Variants in USP4 observed in about 807,000 individuals in gnomAD.
USP4 encodes ubiquitin specific peptidase 4.
A neutral mutation model predicts 118.2 loss-of-function variants in USP4; 72 were observed. The observed-to-expected ratio is 0.61, with a 90% CI of 0.50 to 0.74. USP4 has a LOEUF of 0.74. Among genes scored for constraint, USP4 ranks in the 30% least tolerant of loss-of-function variants. The probability of loss-of-function intolerance (pLI) is 0.00; values close to 1 mark genes in which losing one functional copy is unlikely to be tolerated. For missense variants in USP4, 1,037 were observed against 1,185.7 expected (o/e 0.87, Z 1.84); for synonymous variants, 415 against 440.4 (o/e 0.94, Z 0.72).
At chr3:49,283,904 G>A in intron 19 of USP4, 83 bp downstream of exon 19, 11 of 1,552,442 alleles carry the variant, frequency 7.1e-6, no homozygotes, top group East Asian at 2.2e-5. Context: ...AAAAGTTTTT[G>A]GTGGCAAACC....
intron 6 of USP4, chr3:49,312,434 C>G: frequency 2.2e-6 from 1 of 452,462 alleles, no homozygotes; most frequent in Non-Finnish European, 4.4e-6. Flanking sequence ...CGAGACTGCA[C>G]CACCGCACTC....
intron 9 of USP4, among the ~76,000 whole-genome samples, chr3:49,302,931 A>T (rs1161383037): frequency 5.9e-5 from 9 of 152,202 alleles, no homozygotes; most frequent in African/African-American, 2.2e-4. Context: ...CCTCCTGTAC[A>T]TAACAGCCCT....
At chr3:49,298,344 A>G (rs1355207621) in intron 12 of USP4, among the ~76,000 whole-genome samples, 1 of 152,190 alleles carries the variant, frequency 6.6e-6, no homozygotes, top group Admixed American at 6.6e-5. Flanking sequence ...TGTGAACCCA[A>G]TGAAGGAAAG....
rs768906684 is a variant in USP4, at chr3:49,278,443, T to C, written c.2742A>G (p.Ala914=). The part of the protein sequence containing the change: ...LASEDQIVTK[A]AYVLFYQRRD... ...GACGTTGGTAAAATAGCACATAAGC[T>C]GCTTTAGTCTGAAATACAAGAGGGG... The change falls in exon 22 of 22, where the codon GCA becomes GCG. Residue 914 remains alanine (A), a synonymous_variant. Coordinates refer to ENST00000265560, the MANE Select transcript of USP4 (RefSeq NM_003363.4). 3.7e-6 allele frequency: 6 copies of C among 1,613,714 alleles called. No individual in the cohort carries two copies. Among genetic ancestry groups the C allele is most frequent in the Non-Finnish European group, 5.1e-6 (6 of 1,179,858 alleles).
At chr3:49,281,443 G>A (rs1273667330) in intron 19 of USP4, among the ~76,000 whole-genome samples, 4 of 150,492 alleles carry the variant, frequency 2.7e-5, no homozygotes, top group Admixed American at 6.7e-5. Context: ...GCAACAGAGC[G>A]AGACTCCGTC....
rs990681673 is a variant in USP4, at chr3:49,277,635, A to C, written c.*658T>G. ...TAATAAAAGTTCCACACAGTATTTA[A>C]CCGTCTTAATTCATCTAGGGTAGCA... On this transcript the variant is annotated 3_prime_UTR_variant, in exon 22 of 22. Transcript: ENST00000265560. The C allele has an allele frequency of 6.3e-6, 1 of 159,552 alleles. No individual in the cohort carries two copies. The highest frequency in any genetic ancestry group is 2.4e-5 in the African/African-American group (1 of 41,514). The allele number at this position is 159,552 out of a possible 1,614,324, so 9.9% of individuals were successfully genotyped here. A position where few individuals can be genotyped will look rare whatever the true frequency, so the allele number is the denominator to read the frequency against.
rs2047183474 is a variant in USP4 at position 49,294,555 on chromosome 3, T to C, written c.1735A>G (p.Thr579Ala). The C allele has an allele frequency of 1.2e-6, 2 of 1,614,014 alleles. No individual in the cohort carries two copies. Among genetic ancestry groups the C allele is most frequent in the African/African-American group, 2.7e-5 (2 of 74,910 alleles). ...STSVDGSECVTLPVYFRERKS... is the reference protein window; with the variant it reads ...STSVDGSECVALPVYFRERKS... The stretch of plus-strand genomic sequence containing the variant: ...CTCTCCCTGAAGTAGACTGGAAGCG[T>C]GACACATTCCGAGCCATCCACGGAA... Residue 579 changes from threonine (T) to alanine (A), a missense_variant, in exon 14 of 22, where the codon ACG (threonine) becomes GCG (alanine). By Grantham distance (58) the Thr-to-Ala change is moderately conservative (BLOSUM62 0). Transcript: ENST00000265560.
At chr3:49,320,791 ACTT>A (rs2047491013) in intron 6 of USP4, among the ~76,000 whole-genome samples, 1 of 151,456 alleles carries the variant, frequency 6.6e-6, no homozygotes, top group South Asian at 2.1e-4. Flanking sequence ...TAATTACCAT[ACTT>A]CTTATTTTTT....
intron 1 of USP4, 25 bp from the exon 2 acceptor site, chr3:49,335,621 T>C (rs1406598846): frequency 6.2e-6 from 10 of 1,612,702 alleles, no homozygotes; most frequent in Non-Finnish European, 8.5e-6. Flanking sequence ...AAATTTACTG[T>C]AGCAGAAAAG....
At chr3:49,311,852 T>C (rs2047386016) in intron 6 of USP4, 198 bp from the exon 7 acceptor site, 1 of 1,276,918 alleles carries the variant, frequency 7.8e-7, no homozygotes, top group Non-Finnish European at 1.0e-6. Flanking sequence ...TCCTGTCACA[T>C]CAGTCCACAC....
chr3:49,305,841 C>T lies in USP4; in HGVS notation c.1002G>A (p.Glu334=), dbSNP rs2047309007. 6.2e-7 allele frequency: 1 copy of T among 1,614,094 alleles called. No homozygotes were observed. Among genetic ancestry groups the T allele is most frequent in the Non-Finnish European group, 8.5e-7 (1 of 1,180,000 alleles). ...TGTCTCTGTTGATTTCGGCTTCATA[C>T]TCATCTTTGAGAAAGTAGTCAGTCA... ...APLTDYFLKD[E]YEAEINRDNP... The change falls in exon 9 of 22, where the codon GAG becomes GAA. Residue 334 remains glutamate, a synonymous_variant. Coordinates refer to ENST00000265560, the MANE Select transcript of USP4 (RefSeq NM_003363.4).
chr3:49,297,811 C>T (rs2047224910), intron 13 of USP4, 59 bp downstream of exon 13: 1 of 1,382,912 alleles, frequency 7.2e-7, no homozygotes, highest in African/African-American at 1.4e-5. Context: ...ATGAATGCAG[C>T]AAAGTCTCTA....
At chr3:49,327,956 G>A in intron 2 of USP4, 140 bp from the exon 3 acceptor site, 1 of 722,488 alleles carries the variant, frequency 1.4e-6, no homozygotes, top group Non-Finnish European at 2.2e-6. Flanking sequence ...TCTGTCACTG[G>A]TCATTATACA....
chr3:49,319,802 A>G (rs968373352), intron 6 of USP4, among the ~76,000 whole-genome samples: 2 of 151,884 alleles, frequency 1.3e-5, no homozygotes, highest in Non-Finnish European at 2.9e-5. Context: ...TTTAGTAGAT[A>G]GGGGGGTCTC....
chr3:49,283,562 C>T (rs1286676935), intron 19 of USP4, among the ~76,000 whole-genome samples: 1 of 152,152 alleles, frequency 6.6e-6, no homozygotes, highest in Non-Finnish European at 1.5e-5. Flanking sequence ...ACCCCAGGGA[C>T]AGGATCATGG....
At chr3:49,318,454 AAGGGAAAGAG>A in intron 6 of USP4, 2 of 985,530 alleles carry the variant, frequency 2.0e-6, no homozygotes, top group Non-Finnish European at 2.4e-6. Context: ...AGTGACGTTA[AAGGGAAAGAG>A]AGAAACAGAT....
At chr3:49,297,507 G>T (rs1255780309) in intron 13 of USP4, among the ~76,000 whole-genome samples, 1 of 152,116 alleles carries the variant, frequency 6.6e-6, no homozygotes, top group Admixed American at 6.6e-5. Context: ...AGATCCTTCC[G>T]TACCACACCC....
At chr3:49,289,014 G>A (rs2047126788) in intron 15 of USP4, among the ~76,000 whole-genome samples, 2 of 152,178 alleles carry the variant, frequency 1.3e-5, no homozygotes, top group Non-Finnish European at 2.9e-5. Context: ...AAAAGGCTGA[G>A]GTGGGAGGAT....
intron 15 of USP4, among the ~76,000 whole-genome samples, chr3:49,292,111 C>A (rs1220526365): frequency 6.6e-6 from 1 of 151,994 alleles, no homozygotes; most frequent in Non-Finnish European, 1.5e-5. Context: ...CCGGCCAACC[C>A]CTGGTCTTCA....
Sources: allele counts gnomAD v4.1 joint callset (sites outside exome capture counted in the v4.1 genomes callset), GRCh38; gene constraint gnomAD v4.1.1; transcripts MANE v1.5; gene names NCBI Gene and HGNC (gene_info 2026-07-23, HGNC 2026-07-21).